ADCY9: variants seen among roughly 807,000 people sequenced by gnomAD.
The protein encoded by ADCY9 is adenylate cyclase type 9.
ADCY9 carries 50 observed loss-of-function variants against 101.5 expected under a neutral mutation model. That is an observed-to-expected ratio of 0.49 (90% CI 0.39 to 0.62). The LOEUF (loss-of-function observed/expected upper bound fraction) is 0.62. ADCY9 is among the 20% of genes least tolerant of loss of function. The pLI is 0.00. For missense variants in ADCY9, 1,662 were observed against 1,800.4 expected, an observed-to-expected ratio of 0.92 and a Z score of 1.39; for synonymous variants, 905 against 769.3, an observed-to-expected ratio of 1.18 and a Z score of -2.92.
Position 3,965,860 on chromosome 16 carries a change from T to A in ADCY9, c.3977A>T (p.Lys1326Ile), listed in dbSNP as rs1261735077. The change falls in exon 11 of 11, where the codon AAA becomes ATA. Residue 1326 changes from lysine to isoleucine, a missense_variant. Lys to Ile is a moderately radical substitution (Grantham distance 102). Coordinates refer to ENST00000294016, the MANE Select transcript of ADCY9 (RefSeq NM_001116.4). ...VKAEERGRFG[K>I]AIEKDDCDET... ...GTCACAGTCGTCTTTCTCTATGGCT[T>A]TGCCAAATCGACCCCTTTCTTCGGC... is the stretch of plus-strand genomic sequence containing the variant. The A allele has an allele frequency of 1.9e-6, 3 of 1,614,086 alleles. No homozygotes were observed. The highest frequency in any genetic ancestry group is 2.5e-6 in the Non-Finnish European group (3 of 1,180,048).
chr16:4,051,897 T>A (rs2056704177), intron 2 of ADCY9, among the ~76,000 whole-genome samples: 1 of 152,172 alleles, frequency 6.6e-6, no homozygotes, highest in Non-Finnish European at 1.5e-5. Flanking sequence ...AACAGGATAT[T>A]TTCCGAGTCC....
In ADCY9 at chr16:3,988,974, G is replaced by A. The variant is rs368027880; in HGVS notation, c.2310+20C>T. The A allele has an allele frequency of 7.0e-6, 11 of 1,569,744 alleles. No individual in the cohort carries two copies. The highest frequency in any genetic ancestry group is 5.5e-5 in the South Asian group (5 of 90,194). On this transcript the variant is annotated intron_variant, in intron 6 of 10. Coordinates refer to ENST00000294016, the MANE Select transcript of ADCY9 (RefSeq NM_001116.4). ...AACAAACACATTCTTTAGTAAAAGC[G>A]CAAGGAGAAATGAACGCACCTCTTC...
chr16:3,980,824 C>A (rs761892028), intron 7 of ADCY9, among the ~76,000 whole-genome samples: 4 of 152,206 alleles, frequency 2.6e-5, no homozygotes, highest in Non-Finnish European at 5.9e-5. Flanking sequence ...CAGTCAGCAG[C>A]GGGAAAGATG....
At chr16:4,107,550 CAAAAAAAAAAAA>C (rs61565312) in intron 2 of ADCY9, among the ~76,000 whole-genome samples, 31,588 of 73,104 alleles carry the variant, frequency 0.43, 4,226 homozygotes, top group Admixed American at 0.5. Context: ...GACTCTGTCT[CAAAAAAAAAAAA>C]AAAAAAAAAA....
chr16:4,115,672 G>T lies in ADCY9; in HGVS notation c.-44+18C>A. On this transcript the variant is annotated intron_variant, in intron 1 of 10. Transcript: ENST00000294016. This position sits in a 1 kb window ranked among gnomAD's most constrained non-coding sequence, Gnocchi z 6.2. ...CCGCCCCCACCTTCGAGGCGCACGA[G>T]AACCGCTCGGGACGGACCTAGAACG... The T allele has an allele frequency of 1.7e-6, 1 of 572,040 alleles. No individual in the cohort carries two copies. The highest frequency in any genetic ancestry group is 3.0e-6 in the Non-Finnish European group (1 of 333,426). 35.4% of individuals were successfully genotyped at this position (572,040 alleles called of 1,614,324 possible).
intron 2 of ADCY9, among the ~76,000 whole-genome samples, chr16:4,106,152 A>T (rs1056091485): frequency 6.6e-6 from 1 of 152,326 alleles, no homozygotes; most frequent in African/African-American, 2.4e-5. Flanking sequence ...GGCTGGGGAA[A>T]ATGAGACAAA....
intron 9 of ADCY9, among the ~76,000 whole-genome samples, chr16:3,976,851 T>A (rs1482269399): frequency 6.6e-6 from 1 of 152,184 alleles, no homozygotes; most frequent in African/African-American, 2.4e-5. Context: ...AGAGACGGGG[T>A]TTCACCATGT....
chr16:4,003,622 T>G (rs142088014), intron 3 of ADCY9, among the ~76,000 whole-genome samples: 1 of 149,336 alleles, frequency 6.7e-6, no homozygotes, highest in Non-Finnish European at 1.5e-5. Context: ...TGGAGTGCAG[T>G]GGCATCATCA....
chr16:4,115,873 G>A lies in ADCY9; in HGVS notation c.-227C>T. 2.5e-6 allele frequency: 1 copy of A among 395,372 alleles called. No individual in the cohort carries two copies. The allele number at this position is 395,372 out of a possible 1,614,324, so 24.5% of individuals were successfully genotyped here. ...TCAGACCTTGAGCGCTCCCAGCCCC[G>A]CGAGCCGCCTGCGCACAAACAACTC... is the stretch of plus-strand genomic sequence containing the variant. On this transcript the variant is annotated 5_prime_UTR_variant, in exon 1 of 11. Transcript: ENST00000294016. The surrounding 1 kb of genome is among the most constrained non-coding windows in gnomAD (Gnocchi z 6.2).
At position 3,966,635 on chromosome 16, in the gene ADCY9, T is replaced by G. The variant is rs146567172; in HGVS notation, c.3202A>C (p.Ser1068Arg). The G allele has an allele frequency of 6.2e-7, 1 of 1,614,024 alleles. No individual in the cohort carries two copies. The highest frequency in any genetic ancestry group is 8.5e-7 in the Non-Finnish European group (1 of 1,180,040). ...GVIFASIVNF[S>R]EFYEENYEGG... ...TCGTAGTTCTCCTCGTAGAACTCGC[T>G]GAAGTTGACGATGCTGGCGAAGATC... Residue 1068 changes from serine to arginine, a missense_variant, in exon 11 of 11, where the codon AGC (serine) becomes CGC (arginine). Physicochemically the swap from Ser to Arg is moderately radical, Grantham distance 110. Around this residue, in one of 5 missense-constraint regions of ADCY9, gnomAD observed 220 missense variants for 312.9 expected, o/e 0.70. Transcript: ENST00000294016.
chr16:4,091,381 C>T (rs188191174), intron 2 of ADCY9, among the ~76,000 whole-genome samples: 1 of 152,218 alleles, frequency 6.6e-6, no homozygotes, highest in Admixed American at 6.5e-5. Context: ...GCCCAAGTTC[C>T]TCATTTTAAA....
intron 2 of ADCY9, among the ~76,000 whole-genome samples, chr16:4,024,351 T>C (rs2056499225): frequency 6.6e-6 from 1 of 152,106 alleles, no homozygotes. Flanking sequence ...TTCAAACTAA[T>C]GTTAATCATA....
chr16:4,064,940 TG>T (rs2056792062), intron 2 of ADCY9, among the ~76,000 whole-genome samples: 1 of 152,202 alleles, frequency 6.6e-6, no homozygotes, highest in Non-Finnish European at 1.5e-5. Flanking sequence ...TCCTGATTCA[TG>T]GCTGGTGAAT....
At chr16:4,087,543 TA>T (rs55706713) in intron 2 of ADCY9, among the ~76,000 whole-genome samples, 51,584 of 118,204 alleles carry the variant, frequency 0.44, 9,776 homozygotes, top group East Asian at 0.51. Context: ...CTCAAAAAGA[TA>T]AAAAAAAAAA....
At chr16:4,050,394 T>C (rs2056693344) in intron 2 of ADCY9, among the ~76,000 whole-genome samples, 1 of 152,132 alleles carries the variant, frequency 6.6e-6, no homozygotes, top group African/African-American at 2.4e-5. Flanking sequence ...TATGTGTACG[T>C]GTAGGGAAGT....
chr16:4,053,445 G>A (rs1435376063), intron 2 of ADCY9, among the ~76,000 whole-genome samples: 1 of 151,800 alleles, frequency 6.6e-6, no homozygotes, highest in Non-Finnish European at 1.5e-5. Flanking sequence ...GGAAACAGCA[G>A]TTGGCAGTGT....
chr16:4,023,204 G>A (rs1046431571), intron 2 of ADCY9, among the ~76,000 whole-genome samples: 3 of 152,220 alleles, frequency 2.0e-5, no homozygotes, highest in Admixed American at 6.5e-5. Context: ...TGCAGGCCAC[G>A]CTAGACGCTG....
intron 10 of ADCY9, among the ~76,000 whole-genome samples, chr16:3,968,543 T>C (rs1273393035): frequency 6.6e-6 from 1 of 152,224 alleles, no homozygotes; most frequent in Non-Finnish European, 1.5e-5. Context: ...CTCCCCTGAT[T>C]CTGGGTTAGT....
chr16:4,116,051 G>A lies in ADCY9; in HGVS notation c.-405C>T, dbSNP rs897752393. 1 of 145,390 alleles carries A rather than the reference G, an allele frequency of 6.9e-6. No individual in the cohort carries two copies. Among genetic ancestry groups the A allele is most frequent in the African/African-American group, 2.5e-5 (1 of 40,558 alleles). The allele number at this position is 145,390 out of a possible 1,614,324, so 9.0% of individuals were successfully genotyped here. On this transcript the variant is annotated 5_prime_UTR_variant, in exon 1 of 11. Transcript: ENST00000294016. ...GCTCCCCGGCCGCCCCCCGCGCTCC[G>A]GGCCGGCCCTGCCCGCGGCGGCGGG...
Sources: gnomAD v4.1 joint callset for allele counts (sites outside exome capture counted in the v4.1 genomes callset) on GRCh38, gnomAD v4.1.1 for gene constraint, gnomAD v4.1.1 regional missense constraint, Gnocchi (gnomAD v3.1) non-coding constraint, MANE v1.5 for transcripts, NCBI Gene and HGNC (gene_info 2026-07-23, HGNC 2026-07-21) for gene names.